FAM135A: variants seen among roughly 807,000 people sequenced by gnomAD.
FAM135A encodes the protein family with sequence similarity 135 member A.
In FAM135A, 79 loss-of-function variants were observed where a neutral mutation model predicts 146.8. That is an observed-to-expected ratio of 0.54 (90% CI 0.45 to 0.65). FAM135A has a LOEUF of 0.65. Among genes scored for constraint, FAM135A ranks in the 30% least tolerant of loss-of-function variants. FAM135A has a pLI of 0.00. For missense variants in FAM135A, 1,623 were observed against 1,758.2 expected, an observed-to-expected ratio of 0.92 and a Z score of 1.38; for synonymous variants, 562 against 603.6, an observed-to-expected ratio of 0.93 and a Z score of 1.01.
chr6:70,460,238 G>T (rs1375410872), intron 5 of FAM135A, among the ~76,000 whole-genome samples: 1 of 152,100 alleles, frequency 6.6e-6, no homozygotes, highest in Non-Finnish European at 1.5e-5. Flanking sequence ...TTTTAAAAGA[G>T]ATACTGTTAT....
At chr6:70,420,888 T>G (rs903611122) in intron 2 of FAM135A, among the ~76,000 whole-genome samples, 10 of 152,256 alleles carry the variant, frequency 6.6e-5, no homozygotes, top group East Asian at 3.9e-4. Context: ...CTACTTTTTT[T>G]TTTTTGTTTT....
At chr6:70,555,028 C>G (rs574682043) in intron 20 of FAM135A, among the ~76,000 whole-genome samples, 1 of 152,300 alleles carries the variant, frequency 6.6e-6, no homozygotes, top group East Asian at 1.9e-4. Context: ...ATCCAATTGG[C>G]AAAGCCATTT....
intron 5 of FAM135A, among the ~76,000 whole-genome samples, chr6:70,459,847 G>A (rs1779094996): frequency 6.6e-6 from 1 of 152,084 alleles, no homozygotes; most frequent in Non-Finnish European, 1.5e-5. Context: ...GACCAACATC[G>A]TGAAACCCCG....
intron 20 of FAM135A, among the ~76,000 whole-genome samples, chr6:70,549,762 A>G (rs1287806614): frequency 6.6e-6 from 1 of 152,170 alleles, no homozygotes; most frequent in Non-Finnish European, 1.5e-5. Context: ...TTAAATTACA[A>G]CAACGAGGTT....
At position 70,524,590 on chromosome 6, in the gene FAM135A, A is replaced by G; in HGVS notation, c.1506A>G (p.Lys502=). The G allele has an allele frequency of 2.6e-6, 4 of 1,542,438 alleles. No homozygotes were observed. The highest frequency in any genetic ancestry group is 3.5e-6 in the Non-Finnish European group (4 of 1,144,704). Residue 502 remains lysine (K), a synonymous_variant, in exon 15 of 22, where the codon AAA becomes AAG. Transcript: ENST00000418814. The part of the protein sequence containing the change: ...VKVTKLMKTM[K]SENTKKLIKQ... Reference sequence around the variant, plus strand: ...TTACTAAGCTTATGAAAACAATGAAATCTGAAAACACAAAAAAATTAATAA... The same window carrying G: ...TTACTAAGCTTATGAAAACAATGAAGTCTGAAAACACAAAAAAATTAATAA...
chr6:70,559,105 A>G (rs1801450241), intron 21 of FAM135A, among the ~76,000 whole-genome samples: 1 of 152,256 alleles, frequency 6.6e-6, no homozygotes. Context: ...TTAACATTAA[A>G]GAAAACTATT....
chr6:70,528,175 C>T, intron 15 of FAM135A, 117 bp from the exon 16 acceptor site: 1 of 892,366 alleles, frequency 1.1e-6, no homozygotes, highest in Non-Finnish European at 1.6e-6. Flanking sequence ...CACATATTTT[C>T]ATGGTTTTAA....
chr6:70,466,607 T>G (rs997458451), intron 5 of FAM135A, among the ~76,000 whole-genome samples: 2 of 152,236 alleles, frequency 1.3e-5, no homozygotes, highest in Non-Finnish European at 2.9e-5. Flanking sequence ...TTTACCACTT[T>G]CAGGGCTTCT....
intron 11 of FAM135A, among the ~76,000 whole-genome samples, chr6:70,496,938 G>A (rs536032329): frequency 3.9e-5 from 6 of 152,116 alleles, no homozygotes; most frequent in South Asian, 2.1e-4. Context: ...GTCTGGTAGC[G>A]TTATGCCTCC....
chr6:70,421,586 G>T (rs939609303), intron 2 of FAM135A, among the ~76,000 whole-genome samples: 2 of 152,170 alleles, frequency 1.3e-5, no homozygotes, highest in African/African-American at 2.4e-5. Flanking sequence ...GGCTTTTCAC[G>T]TAAGTTTCTC....
At chr6:70,435,307 G>C (rs1302482603) in intron 4 of FAM135A, among the ~76,000 whole-genome samples, 1 of 151,660 alleles carries the variant, frequency 6.6e-6, no homozygotes, top group East Asian at 1.9e-4. Flanking sequence ...GTTTTGCCCT[G>C]TTGGCCAGGC....
intron 11 of FAM135A, among the ~76,000 whole-genome samples, chr6:70,496,826 T>C (rs1787381770): frequency 6.6e-6 from 1 of 151,368 alleles, no homozygotes; most frequent in Non-Finnish European, 1.5e-5. Flanking sequence ...AGATGTGTGG[T>C]GATATTTCTG....
chr6:70,435,235 G>C (rs754804628), intron 4 of FAM135A, among the ~76,000 whole-genome samples: 34 of 151,464 alleles, frequency 2.2e-4, no homozygotes, highest in African/African-American at 8.2e-4. Flanking sequence ...CTCCTGAATA[G>C]CTGGGATTAC....
chr6:70,437,782 A>T (rs1296038360), intron 4 of FAM135A, among the ~76,000 whole-genome samples: 3 of 152,170 alleles, frequency 2.0e-5, no homozygotes, highest in African/African-American at 7.2e-5. Context: ...TAAGTCAAAA[A>T]ACTAAATTTT....
intron 19 of FAM135A, among the ~76,000 whole-genome samples, chr6:70,537,181 G>A (rs546971542): frequency 2.6e-5 from 4 of 152,110 alleles, no homozygotes; most frequent in South Asian, 2.1e-4. Context: ...TGATCCGCCC[G>A]CCTCGGCCTC....
rs1407684006 is a variant in FAM135A at position 70,524,581 on chromosome 6, A to T, written c.1497A>T (p.Lys499Asn). ...KSKVKVTKLM[K>N]TMKSENTKKL... is the part of the protein sequence containing the mutation. ...AAGTTAAGGTTACTAAGCTTATGAA[A>T]ACAATGAAATCTGAAAACACAAAAA... Residue 499 changes from lysine to asparagine, a missense_variant, in exon 15 of 22, where the codon AAA becomes AAT. By Grantham distance (94) the Lys-to-Asn change is moderately conservative (BLOSUM62 0). This residue lies in a region of FAM135A where 1,061 missense variants were observed against 1,113.8 expected (regional missense o/e 0.95). Transcript: ENST00000418814. 1 of 1,542,982 alleles carries T rather than the reference A, an allele frequency of 6.5e-7. No individual in the cohort carries two copies. The highest frequency in any genetic ancestry group is 8.7e-7 in the Non-Finnish European group (1 of 1,144,842).
In FAM135A at chr6:70,560,148, A is replaced by G. The variant is rs1458072825; in HGVS notation, c.*227A>G. On this transcript the variant is annotated 3_prime_UTR_variant, in exon 22 of 22. Coordinates refer to ENST00000418814, the MANE Select transcript of FAM135A (RefSeq NM_001162529.3). ...AATTTTATCTTTTTACTTTTCTATT[A>G]CTTTTTCATATATTTTGCTACCTAA... 4.7e-6 allele frequency: 2 copies of G among 428,714 alleles called. No individual in the cohort carries two copies. The highest frequency in any genetic ancestry group is 4.1e-5 in the African/African-American group (2 of 49,094). 26.6% of individuals were successfully genotyped at this position (428,714 alleles called of 1,614,324 possible).
intron 12 of FAM135A, among the ~76,000 whole-genome samples, chr6:70,507,926 G>T (rs1353859159): frequency 6.6e-6 from 1 of 152,084 alleles, no homozygotes; most frequent in Admixed American, 6.6e-5. Context: ...AGAATCTTGA[G>T]ATTTTGCCCT....
intron 8 of FAM135A, among the ~76,000 whole-genome samples, chr6:70,478,429 A>G (rs1182486451): frequency 2.0e-5 from 3 of 152,172 alleles, no homozygotes; most frequent in African/African-American, 7.2e-5. Flanking sequence ...CTGACAAATG[A>G]TATTGGGATG....
Sources: gnomAD v4.1 joint callset for allele counts (sites outside exome capture counted in the v4.1 genomes callset) on GRCh38, gnomAD v4.1.1 for gene constraint, gnomAD v4.1.1 regional missense constraint, MANE v1.5 for transcripts, NCBI Gene and HGNC (gene_info 2026-07-23, HGNC 2026-07-21) for gene names.